ARID1B: variants seen among roughly 807,000 people sequenced by gnomAD.
ARID1B encodes the protein AT-rich interactive domain-containing protein 1B.
Under a neutral mutation model 212.3 loss-of-function variants are expected in ARID1B, and 30 were observed. The ratio of observed to expected loss-of-function variants is 0.14; its 90% CI spans 0.11 to 0.19. ARID1B has a LOEUF of 0.19. Among genes scored for constraint, ARID1B ranks in the 10% least tolerant of loss-of-function variants. ARID1B has a pLI of 1.00. For missense variants in ARID1B, 2,891 were observed against 3,204.0 expected (o/e 0.90, Z 2.36); for synonymous variants, 1,402 against 1,301.7 (o/e 1.08, Z -1.66).
At chr6:157,196,011 A>G (rs1449873109) in intron 15 of ARID1B, 154 bp from the exon 16 acceptor site, 18 of 902,160 alleles carry the variant, frequency 2.0e-5, no homozygotes, top group African/African-American at 3.5e-5. Flanking sequence ...CAGTGAGCCA[A>G]GATCACACCA....
intron 11 of ARID1B, among the ~76,000 whole-genome samples, chr6:157,178,672 A>G (rs1792284945): frequency 6.6e-6 from 1 of 152,220 alleles, no homozygotes; most frequent in Non-Finnish European, 1.5e-5. Context: ...TCTTCATTTA[A>G]TTTTTCCAGT....
chr6:156,906,922 C>T (rs897709554), intron 3 of ARID1B, among the ~76,000 whole-genome samples: 1 of 152,096 alleles, frequency 6.6e-6, no homozygotes, highest in African/African-American at 2.4e-5. Flanking sequence ...ATTACATTTT[C>T]TCATTGTTAC....
chr6:157,122,882 A>G (rs1324503251), intron 6 of ARID1B, among the ~76,000 whole-genome samples: 1 of 152,020 alleles, frequency 6.6e-6, no homozygotes, highest in African/African-American at 2.4e-5. Context: ...GGGTTTCACC[A>G]TGTTGGCCAG....
At chr6:156,963,338 G>A (rs1420769630) in intron 4 of ARID1B, among the ~76,000 whole-genome samples, 1 of 152,142 alleles carries the variant, frequency 6.6e-6, no homozygotes, top group Non-Finnish European at 1.5e-5. Flanking sequence ...ATAAAGTTGA[G>A]AAGATTACTA....
At chr6:157,205,933 A>T in intron 19 of ARID1B, 1 of 544,088 alleles carries the variant, frequency 1.8e-6, no homozygotes, top group Non-Finnish European at 3.3e-6. Context: ...CTAAGCAAGG[A>T]AGCAGCAAAT....
intron 3 of ARID1B, among the ~76,000 whole-genome samples, chr6:156,925,047 G>A (rs1317015059): frequency 6.6e-6 from 1 of 152,116 alleles, no homozygotes; most frequent in East Asian, 1.9e-4. Context: ...TACGAAAGAA[G>A]GCAAATTTAA....
chr6:157,011,153 AG>A (rs568030694), intron 4 of ARID1B, among the ~76,000 whole-genome samples: 144 of 152,240 alleles, frequency 9.5e-4, no homozygotes, highest in African/African-American at 3.3e-3. Flanking sequence ...TTTTTAGTGC[AG>A]GTATGATAAA....
rs10560265 is a variant in ARID1B, at chr6:156,921,438, AACACACACACACACACACACACACACAC to A, written c.2137-14000_2137-13973del. ...CTACAGTAATAGCACTTGATGGGAA[AACACACACACACACACACACACACACAC>A]ACACACACACACACACACACACACA... On this transcript the variant is annotated intron_variant, in intron 3 of 19. Transcript: ENST00000636930. Among the ~76,000 whole-genome samples, 275 of 136,000 alleles carry A rather than the reference AACACACACACACACACACACACACACAC, an allele frequency of 2.0e-3. 4 individuals are homozygous for A. Among genetic ancestry groups the A allele is most frequent in the African/African-American group, 7.3e-3 (260 of 35,712 alleles). The allele number at this position is 136,000 out of a possible 152,430, so 89.2% of individuals were successfully genotyped here. A position where few individuals can be genotyped will look rare whatever the true frequency, so the allele number is the denominator to read the frequency against.
intron 4 of ARID1B, among the ~76,000 whole-genome samples, chr6:157,037,923 T>A (rs12663244): frequency 0.027 from 4,088 of 152,254 alleles, 263 homozygotes; most frequent in East Asian, 0.25. Flanking sequence ...AGGGACAATA[T>A]GGTGTCACCC....
intron 2 of ARID1B, among the ~76,000 whole-genome samples, chr6:156,872,387 T>A (rs1786203646): frequency 6.6e-6 from 1 of 152,196 alleles, no homozygotes; most frequent in Non-Finnish European, 1.5e-5. Context: ...AATGGTGCGA[T>A]CTTGGCTCAC....
At chr6:157,031,908 A>G (rs1781037494) in intron 4 of ARID1B, among the ~76,000 whole-genome samples, 1 of 151,774 alleles carries the variant, frequency 6.6e-6, no homozygotes, top group South Asian at 2.1e-4. Flanking sequence ...CTCCTGCCTC[A>G]GCCTCAGCCT....
chr6:157,181,223 T>C, intron 12 of ARID1B, 45 bp downstream of exon 12: 1 of 1,599,814 alleles, frequency 6.3e-7, no homozygotes, highest in Non-Finnish European at 8.6e-7. Flanking sequence ...GCATTGTGGA[T>C]AAGTTCTTAC....
At chr6:156,865,983 A>G (rs550760108) in intron 2 of ARID1B, among the ~76,000 whole-genome samples, 1 of 152,050 alleles carries the variant, frequency 6.6e-6, no homozygotes, top group South Asian at 2.1e-4. Flanking sequence ...TTTGGTCCCT[A>G]TTTTTATGTT....
intron 2 of ARID1B, among the ~76,000 whole-genome samples, chr6:156,832,999 G>A (rs1042626720): frequency 6.6e-6 from 1 of 152,098 alleles, no homozygotes; most frequent in African/African-American, 2.4e-5. Flanking sequence ...GATTAGTTTT[G>A]CACGGTGCCC....
intron 1 of ARID1B, among the ~76,000 whole-genome samples, chr6:156,812,688 T>C (rs1378007372): frequency 6.6e-6 from 1 of 152,082 alleles, no homozygotes. Flanking sequence ...TGTTTCTCAA[T>C]CCTTTCTAAC....
intron 4 of ARID1B, chr6:156,937,090 G>T (rs1215142292): frequency 6.6e-6 from 1 of 151,248 alleles, no homozygotes; most frequent in Non-Finnish European, 1.5e-5. Context: ...TAATGTATTT[G>T]TTGTCTAGGT....
At chr6:156,925,834 C>T (rs1479233200) in intron 3 of ARID1B, among the ~76,000 whole-genome samples, 4 of 152,124 alleles carry the variant, frequency 2.6e-5, no homozygotes, top group Non-Finnish European at 4.4e-5. Context: ...CATCATGGCA[C>T]ATGCAAGAGA....
chr6:156,836,501 G>A (rs1783522928), intron 2 of ARID1B, among the ~76,000 whole-genome samples: 1 of 152,130 alleles, frequency 6.6e-6, no homozygotes, highest in Non-Finnish European at 1.5e-5. Context: ...GAGCTGGGAT[G>A]GTTGAGTCCT....
intron 4 of ARID1B, among the ~76,000 whole-genome samples, chr6:156,986,576 C>G (rs894719485): frequency 6.6e-6 from 1 of 152,150 alleles, no homozygotes; most frequent in Admixed American, 6.5e-5. Context: ...AATGGGACAA[C>G]AGAACTTATG....
Sources: allele counts gnomAD v4.1 joint callset (sites outside exome capture counted in the v4.1 genomes callset), GRCh38; gene constraint gnomAD v4.1.1; transcripts MANE v1.5; gene names NCBI Gene and HGNC (gene_info 2026-07-23, HGNC 2026-07-21).